Variants in CMC2 observed in about 807,000 individuals in gnomAD.
CMC2 encodes the protein COX assembly mitochondrial protein 2 homolog.
CMC2 carries 5 observed loss-of-function variants against 7.5 expected under a neutral mutation model. The observed-to-expected ratio is 0.66, with a 90% confidence interval of 0.35 to 1.40. CMC2 has a LOEUF of 1.40. Ranked by LOEUF, CMC2 falls within the 40% of genes most tolerant of loss-of-function variation. CMC2 has a pLI of 0.04. For missense variants in CMC2, 115 were observed against 92.3 expected (o/e 1.25, Z -1.01); for synonymous variants, 37 against 31.4 (o/e 1.18, Z -0.60).
At chr16:80,981,706 C>A (rs916220393) in intron 3 of CMC2, 100 bp downstream of exon 3, 6 of 739,760 alleles carry the variant, frequency 8.1e-6, no homozygotes, top group African/African-American at 1.8e-5. Context: ...TTCTGTTACA[C>A]TAAAATGTGG....
intron 2 of CMC2, among the ~76,000 whole-genome samples, chr16:80,990,103 T>C (rs57605990): frequency 2.7e-3 from 61 of 22,238 alleles, no homozygotes; most frequent in South Asian, 4.9e-3. Flanking sequence ...TTTCATTCCC[T>C]CCCCTTTTTT....
intron 2 of CMC2, among the ~76,000 whole-genome samples, 180 bp from the exon 3 acceptor site, chr16:80,982,057 A>C (rs1967160888): frequency 6.6e-6 from 1 of 152,232 alleles, no homozygotes; most frequent in South Asian, 2.1e-4. Context: ...TTTGAACTGC[A>C]TGAGTCCACT....
rs990494747 is a variant in CMC2 at position 80,972,291 on chromosome 16, T to A, written c.*3802A>T. On this transcript the variant is annotated 3_prime_UTR_variant, in exon 4 of 4. Coordinates refer to ENST00000219400, the MANE Select transcript of CMC2 (RefSeq NM_020188.5). Reference sequence around the variant, plus strand: ...TATGATATCATTTAAGGGGCACAAATTTCAATATCAGGGTTTCAATATCAG... The same window carrying A: ...TATGATATCATTTAAGGGGCACAAAATTCAATATCAGGGTTTCAATATCAG... 2 of 152,190 alleles carry A rather than the reference T, an allele frequency of 1.3e-5. No homozygotes were observed. The highest frequency in any genetic ancestry group is 2.4e-5 in the African/African-American group (1 of 41,434). The allele number at this position is 152,190 out of a possible 1,614,324, so 9.4% of individuals were successfully genotyped here.
In CMC2 at chr16:80,978,699, T is replaced by C. The variant is rs182494419; in HGVS notation, c.154-2520A>G. ...CCCTGGGCAACACAACAAGACTCCA[T>C]CTCTCTAAAAAAAAGAAAAAAAAAA... On this transcript the variant is annotated intron_variant, in intron 3 of 3. Coordinates refer to ENST00000219400, the MANE Select transcript of CMC2 (RefSeq NM_020188.5). 8.4e-4 allele frequency among the ~76,000 whole-genome samples: 126 copies of C among 149,614 alleles called. 1 individual carries two copies. The highest frequency in any genetic ancestry group is 2.9e-3 in the African/African-American group (116 of 40,522).
Position 81,004,201 on chromosome 16 carries a change from C to G in CMC2, c.-36+2533G>C, listed in dbSNP as rs1035478474. 2.0e-5 allele frequency among the ~76,000 whole-genome samples: 3 copies of G among 150,218 alleles called. No homozygotes were observed. The East Asian group carries it at 5.9e-4, about 29-fold the overall frequency. On this transcript the variant is annotated intron_variant, in intron 1 of 3. Coordinates refer to ENST00000219400, the MANE Select transcript of CMC2 (RefSeq NM_020188.5). Reference sequence around the variant, plus strand: ...GGCACCACCTGCACTCTAGCCTGGTCGAAAGAGTGAGACTCCATCTCAAAA... The same window carrying G: ...GGCACCACCTGCACTCTAGCCTGGTGGAAAGAGTGAGACTCCATCTCAAAA...
At chr16:80,990,917 G>C (rs1387241934) in intron 2 of CMC2, among the ~76,000 whole-genome samples, 2 of 151,592 alleles carry the variant, frequency 1.3e-5, no homozygotes, top group Admixed American at 6.6e-5. Context: ...CTAGAAACAG[G>C]TGTCTCACTA....
chr16:80,982,554 A>G (rs1006622210), intron 2 of CMC2: 1 of 148,934 alleles, frequency 6.7e-6, no homozygotes, highest in African/African-American at 2.5e-5. Flanking sequence ...ATACTAGTCT[A>G]TTTTGTCATT....
chr16:80,973,591 G>C lies in CMC2; in HGVS notation c.*2502C>G, dbSNP rs1355104748. The C allele has an allele frequency of 6.6e-6, 1 of 152,086 alleles. No homozygotes were observed. Among genetic ancestry groups the C allele is most frequent in the Non-Finnish European group, 1.5e-5 (1 of 68,026 alleles). The allele number at this position is 152,086 out of a possible 1,614,324, so 9.4% of individuals were successfully genotyped here. On this transcript the variant is annotated 3_prime_UTR_variant, in exon 4 of 4. Coordinates refer to ENST00000219400, the MANE Select transcript of CMC2 (RefSeq NM_020188.5). The stretch of plus-strand genomic sequence containing the variant: ...TAACCACTCCCTAAAACTTTCTAAT[G>C]GTTTTCCATTATGCTCCAAATAACA...
intron 2 of CMC2, chr16:80,992,052 T>A: frequency 2.4e-6 from 1 of 412,830 alleles, no homozygotes; most frequent in Admixed American, 2.7e-5. Context: ...TATTGGTTTA[T>A]TAACTGTAAC....
rs1033974769 is a variant in CMC2 at position 80,971,581 on chromosome 16, T to C, written c.*4512A>G. Reference sequence around the variant, plus strand: ...CATACATTTTATATATATATATATATATATGTATGAAATCATGCATATATA... The same window carrying C: ...CATACATTTTATATATATATATATACATATGTATGAAATCATGCATATATA... On this transcript the variant is annotated 3_prime_UTR_variant, in exon 4 of 4. Coordinates refer to ENST00000219400, the MANE Select transcript of CMC2 (RefSeq NM_020188.5). The C allele has an allele frequency of 7.8e-5, 11 of 140,816 alleles. No homozygotes were observed. Among genetic ancestry groups the C allele is most frequent in the Admixed American group, 5.1e-4 (7 of 13,858 alleles). 8.7% of individuals were successfully genotyped at this position (140,816 alleles called of 1,614,324 possible).
chr16:80,998,748 C>G (rs1407197677), intron 1 of CMC2: 1 of 152,118 alleles, frequency 6.6e-6, no homozygotes, highest in Non-Finnish European at 1.5e-5. Flanking sequence ...TGAGGACATT[C>G]TGAATGAAAT....
rs1269790125 is a variant in CMC2 at position 80,967,122 on chromosome 16, G to A, written c.*8971C>T. On this transcript the variant is annotated 3_prime_UTR_variant, in exon 4 of 4. Transcript: ENST00000219400. Reference sequence around the variant, plus strand: ...GTTAACCACTGTCCTAAGAGCTGCAGATACAGGAATAATGTGGTGTCTGCC... The same window carrying A: ...GTTAACCACTGTCCTAAGAGCTGCAAATACAGGAATAATGTGGTGTCTGCC... The A allele has an allele frequency of 6.6e-6, 1 of 152,192 alleles. No homozygotes were observed. Among genetic ancestry groups the A allele is most frequent in the East Asian group, 1.9e-4 (1 of 5,196 alleles). 9.4% of individuals were successfully genotyped at this position (152,192 alleles called of 1,614,324 possible). A position where few individuals can be genotyped will look rare whatever the true frequency, so the allele number is the denominator to read the frequency against.
chr16:80,975,567 T>G lies in CMC2; in HGVS notation c.*526A>C, dbSNP rs967218791. 14 of 152,440 alleles carry G rather than the reference T, an allele frequency of 9.2e-5. No individual in the cohort carries two copies. Among genetic ancestry groups the G allele is most frequent in the African/African-American group, 3.1e-4 (13 of 41,550 alleles). 9.4% of individuals were successfully genotyped at this position (152,440 alleles called of 1,614,324 possible). On this transcript the variant is annotated 3_prime_UTR_variant, in exon 4 of 4. Transcript: ENST00000219400. ...AGGTGGAGGTTACAGTAAGCTGAGA[T>G]CGCACCACTGCACTCCAGCCTGGGC... is the stretch of plus-strand genomic sequence containing the variant.
intron 2 of CMC2, chr16:80,983,638 A>G (rs993358216): frequency 1.3e-5 from 2 of 152,290 alleles, no homozygotes; most frequent in African/African-American, 4.8e-5. Flanking sequence ...GCTTAGTGCC[A>G]GAGCCCTTTT....
rs181276212 is a variant in CMC2 at position 80,992,641 on chromosome 16, T to C, written c.81+4673A>G. ...TTTAAAGGCCATCTTTTCTTTTTTT[T>C]TTAAATTGTCTCTCATGCTTTTGCT... On this transcript the variant is annotated intron_variant, in intron 2 of 3. Transcript: ENST00000219400. Among the ~76,000 whole-genome samples, 6 of 152,172 alleles carry C rather than the reference T, an allele frequency of 3.9e-5. No homozygotes were observed. The East Asian group carries it at 1.2e-3, about 29-fold the overall frequency.
chr16:80,984,692 TTCAAG>T (rs780433639), intron 2 of CMC2, among the ~76,000 whole-genome samples: 3 of 152,230 alleles, frequency 2.0e-5, no homozygotes, highest in Admixed American at 6.5e-5. Context: ...TTTTCATGCC[TTCAAG>T]TCAAGTAGAC....
chr16:81,004,311 T>C (rs754016061), intron 1 of CMC2, among the ~76,000 whole-genome samples: 13 of 152,068 alleles, frequency 8.5e-5, no homozygotes, highest in African/African-American at 2.2e-4. Flanking sequence ...TCCAGTGAAA[T>C]AGAGAGGGAT....
chr16:80,980,111 G>A (rs1051550697), intron 3 of CMC2, among the ~76,000 whole-genome samples: 1 of 151,864 alleles, frequency 6.6e-6, no homozygotes, highest in Non-Finnish European at 1.5e-5. Context: ...TTTGAGACAG[G>A]GTCTCACTAT....
At position 80,970,276 on chromosome 16, in the gene CMC2, C is replaced by T. The variant is rs1180844713; in HGVS notation, c.*5817G>A. 1 of 152,170 alleles carries T rather than the reference C, an allele frequency of 6.6e-6. No individual in the cohort carries two copies. Among genetic ancestry groups the T allele is most frequent in the African/African-American group, 2.4e-5 (1 of 41,434 alleles). The allele number at this position is 152,170 out of a possible 1,614,324, so 9.4% of individuals were successfully genotyped here. A position where few individuals can be genotyped will look rare whatever the true frequency, so the allele number is the denominator to read the frequency against. Reference sequence around the variant, plus strand: ...GTCTCTCTCTCAATTTAAGTCAATTCCAAATCCAAATCTCACCGATTAATG... The same window carrying T: ...GTCTCTCTCTCAATTTAAGTCAATTTCAAATCCAAATCTCACCGATTAATG... On this transcript the variant is annotated 3_prime_UTR_variant, in exon 4 of 4. Transcript: ENST00000219400.
Sources: allele counts gnomAD v4.1 joint callset (sites outside exome capture counted in the v4.1 genomes callset), GRCh38; gene constraint gnomAD v4.1.1; transcripts MANE v1.5; gene names NCBI Gene and HGNC (gene_info 2026-07-23, HGNC 2026-07-21).